PLCB1: variants seen among roughly 807,000 people sequenced by gnomAD.
PLCB1 encodes phospholipase C beta 1, also known as 1-phosphatidylinositol 4,5-bisphosphate phosphodiesterase beta-1.
A neutral mutation model predicts 161.8 loss-of-function variants in PLCB1; 46 were observed. That is an observed-to-expected ratio of 0.28 (90% CI 0.22 to 0.36). The LOEUF is 0.36. PLCB1 is among the 10% of genes least tolerant of loss of function. The pLI is 1.00. For missense variants in PLCB1, 1,016 were observed against 1,472.5 expected, an observed-to-expected ratio of 0.69 and a Z score of 5.07; for synonymous variants, 517 against 503.7, an observed-to-expected ratio of 1.03 and a Z score of -0.35.
intron 10 of PLCB1, among the ~76,000 whole-genome samples, chr20:8,685,379 T>C (rs1009069908): frequency 2.6e-5 from 4 of 152,126 alleles, no homozygotes; most frequent in African/African-American, 7.2e-5. Context: ...TTCAGTGTAC[T>C]TGAAGCCATG....
intron 2 of PLCB1, among the ~76,000 whole-genome samples, chr20:8,225,790 G>A (rs6055668): frequency 0.012 from 1,850 of 152,216 alleles, 42 homozygotes; most frequent in African/African-American, 0.042. Flanking sequence ...CAGTTGGATG[G>A]GACAGTGACT....
chr20:8,779,621 G>A (rs2146209462), intron 27 of PLCB1, among the ~76,000 whole-genome samples: 1 of 151,732 alleles, frequency 6.6e-6, no homozygotes, highest in South Asian at 2.1e-4. Flanking sequence ...AATCACCTAG[G>A]AGTGTGTTAG....
At chr20:8,439,336 T>C (rs1323238025) in intron 3 of PLCB1, among the ~76,000 whole-genome samples, 2 of 152,200 alleles carry the variant, frequency 1.3e-5, no homozygotes, top group Non-Finnish European at 2.9e-5. Flanking sequence ...TATTGGCTCA[T>C]TTCAAACAAT....
intron 2 of PLCB1, among the ~76,000 whole-genome samples, chr20:8,363,251 T>C (rs1365535096): frequency 1.3e-5 from 2 of 152,142 alleles, no homozygotes; most frequent in East Asian, 3.8e-4. Flanking sequence ...ACAGTTTCAG[T>C]GGGTCAGGGT....
intron 2 of PLCB1, among the ~76,000 whole-genome samples, chr20:8,160,747 A>G (rs1039463659): frequency 6.6e-6 from 1 of 152,186 alleles, no homozygotes; most frequent in Non-Finnish European, 1.5e-5. Context: ...AGCTCTTTCT[A>G]TATTTAATCA....
chr20:8,226,980 C>T (rs1979728913), intron 2 of PLCB1, among the ~76,000 whole-genome samples: 1 of 152,160 alleles, frequency 6.6e-6, no homozygotes, highest in Non-Finnish European at 1.5e-5. Context: ...AGCCACCGCG[C>T]CCGGCCAAGT....
rs56097941 is a variant in PLCB1 at position 8,416,929 on chromosome 20, TACACACACACACACACACACACACAC to T, written c.246+45495_246+45520del. ...CTCTTTTACAGTTGAAGAGACAGAA[TACACACACACACACACACACACACAC>T]ACACACACACACACAGAGTCGCTTC... On this transcript the variant is annotated intron_variant, in intron 3 of 31. Coordinates refer to ENST00000338037, the MANE Select transcript of PLCB1 (RefSeq NM_015192.4). 4.7e-5 allele frequency among the ~76,000 whole-genome samples: 6 copies of T among 126,452 alleles called. No individual in the cohort carries two copies. The East Asian group carries it at 1.4e-3, about 29-fold the overall frequency. The allele number at this position is 126,452 out of a possible 152,430, so 83.0% of individuals were successfully genotyped here.
chr20:8,339,815 T>G (rs572330821), intron 2 of PLCB1, among the ~76,000 whole-genome samples: 96 of 152,218 alleles, frequency 6.3e-4, no homozygotes, highest in African/African-American at 2.2e-3. Context: ...TATTAAAAAG[T>G]TAATGGGGCC....
chr20:8,831,914 CTTTCTTTCTTTCTTTCTT>C (rs1189762446), intron 31 of PLCB1, among the ~76,000 whole-genome samples: 4 of 10,376 alleles, frequency 3.9e-4, no homozygotes, highest in Admixed American at 1.2e-3. Context: ...CTTTCTTTCT[CTTTCTTTCTTTCTTTCTT>C]TCTTTCTTTC....
At chr20:8,527,162 T>G (rs1237796812) in intron 3 of PLCB1, among the ~76,000 whole-genome samples, 1 of 152,260 alleles carries the variant, frequency 6.6e-6, no homozygotes, top group African/African-American at 2.4e-5. Context: ...TTCAGATTTC[T>G]TATACAGAAA....
intron 3 of PLCB1, among the ~76,000 whole-genome samples, chr20:8,586,922 C>A (rs766400034): frequency 5.3e-5 from 8 of 152,046 alleles, no homozygotes; most frequent in African/African-American, 1.4e-4. Context: ...ATGGAATCTG[C>A]GAGATAGAAA....
At chr20:8,198,973 G>A (rs1162303032) in intron 2 of PLCB1, among the ~76,000 whole-genome samples, 1 of 150,522 alleles carries the variant, frequency 6.6e-6, no homozygotes, top group Non-Finnish European at 1.5e-5. Context: ...CACACACACG[G>A]ACCCATTACC....
chr20:8,760,333 ATGTT>A lies in PLCB1; in HGVS notation c.2657-64_2657-61del, dbSNP rs931163832. On this transcript the variant is annotated intron_variant, in intron 24 of 31. Coordinates refer to ENST00000338037, the MANE Select transcript of PLCB1 (RefSeq NM_015192.4). ...AGAGATTTAGATTCAAGGCCCAAAT[ATGTT>A]TGTTTGTTTACAGGAAGAATAAAAT... 19 of 859,174 alleles carry A rather than the reference ATGTT, an allele frequency of 2.2e-5. No homozygotes were observed. In the African/African-American group the frequency reaches 2.6e-4, roughly 12 times the overall value. 53.2% of individuals were successfully genotyped at this position (859,174 alleles called of 1,614,324 possible).
chr20:8,233,267 A>C (rs1409856043), intron 2 of PLCB1, among the ~76,000 whole-genome samples: 1 of 152,188 alleles, frequency 6.6e-6, no homozygotes, highest in African/African-American at 2.4e-5. Flanking sequence ...GGGAATAATA[A>C]TGAAGCAAAA....
At chr20:8,268,754 A>G (rs547661823) in intron 2 of PLCB1, among the ~76,000 whole-genome samples, 1 of 152,172 alleles carries the variant, frequency 6.6e-6, no homozygotes, top group African/African-American at 2.4e-5. Flanking sequence ...TGTTGGCTGC[A>G]TAAATGTCTT....
chr20:8,478,863 A>G (rs1207824206), intron 3 of PLCB1, among the ~76,000 whole-genome samples: 1 of 152,126 alleles, frequency 6.6e-6, no homozygotes, highest in Non-Finnish European at 1.5e-5. Context: ...CTCTTTTCAT[A>G]GATTAAAAAT....
chr20:8,753,896 T>C (rs887250734), intron 23 of PLCB1, among the ~76,000 whole-genome samples: 6 of 152,226 alleles, frequency 3.9e-5, no homozygotes, highest in Non-Finnish European at 5.9e-5. Flanking sequence ...GCATTAAATC[T>C]ACTTCACTGG....
At chr20:8,878,295 T>A (rs1987848790) in intron 31 of PLCB1, among the ~76,000 whole-genome samples, 1 of 152,190 alleles carries the variant, frequency 6.6e-6, no homozygotes, top group African/African-American at 2.4e-5. Flanking sequence ...AACACATGTG[T>A]TACTGAATTA....
chr20:8,314,294 A>T (rs1399480913), intron 2 of PLCB1, among the ~76,000 whole-genome samples: 1 of 152,186 alleles, frequency 6.6e-6, no homozygotes, highest in South Asian at 2.1e-4. Context: ...TACTACCAAA[A>T]TAGTTCTTAA....
Sources: allele counts gnomAD v4.1 joint callset (sites outside exome capture counted in the v4.1 genomes callset), GRCh38; gene constraint gnomAD v4.1.1; transcripts MANE v1.5; gene names NCBI Gene and HGNC (gene_info 2026-07-23, HGNC 2026-07-21).